The following SLC18A2 variants were observed in gnomAD, a reference collection of about 807,000 sequenced individuals.
The protein encoded by SLC18A2 is solute carrier family 18 member A2.
SLC18A2 carries 33 observed loss-of-function variants against 59.2 expected under a neutral mutation model. That is an observed-to-expected ratio of 0.56 (90% confidence interval 0.42 to 0.75). The LOEUF (loss-of-function observed/expected upper bound fraction) is 0.75. SLC18A2 is among the 30% of genes least tolerant of loss of function. SLC18A2 has a pLI of 0.00. For missense variants in SLC18A2, 569 were observed against 668.6 expected (o/e 0.85, Z 1.64); for synonymous variants, 228 against 253.5 (o/e 0.90, Z 0.95).
chr10:117,276,388 G>A (rs1430252506), intron 15 of SLC18A2, among the ~76,000 whole-genome samples: 1 of 151,912 alleles, frequency 6.6e-6, no homozygotes. Flanking sequence ...GAGGAGGGGG[G>A]ATCACTTGAA....
intron 3 of SLC18A2, among the ~76,000 whole-genome samples, chr10:117,252,223 A>G (rs1363798487): frequency 7.5e-6 from 1 of 132,782 alleles, no homozygotes; most frequent in Admixed American, 9.4e-5. Flanking sequence ...AGCTCAGGTG[A>G]TCCGCCCACC....
rs775601851 is a variant in SLC18A2 at position 117,255,560 on chromosome 10, A to G, written c.835-37A>G. ...GAATGAGGGCCCTGGGGGAGGGGGCATGGTGCTGCTTCTGACCCGTGTTTT... is the reference window on the plus strand; with the variant it reads ...GAATGAGGGCCCTGGGGGAGGGGGCGTGGTGCTGCTTCTGACCCGTGTTTT... On this transcript the variant is annotated intron_variant, in intron 8 of 15. Transcript: ENST00000644641. 12 of 1,614,096 alleles carry G rather than the reference A, an allele frequency of 7.4e-6. No homozygotes were observed. In the East Asian group the frequency reaches 2.0e-4, roughly 27 times the overall value.
chr10:117,272,885 A>G (rs1458638649), intron 15 of SLC18A2, among the ~76,000 whole-genome samples: 1 of 152,150 alleles, frequency 6.6e-6, no homozygotes, highest in Non-Finnish European at 1.5e-5. Flanking sequence ...CCTAATGATA[A>G]GGGGGCATGC....
intron 10 of SLC18A2, among the ~76,000 whole-genome samples, chr10:117,263,704 C>A (rs538587216): frequency 5.9e-5 from 9 of 152,266 alleles, no homozygotes; most frequent in Non-Finnish European, 1.0e-4. Flanking sequence ...TAGGGACTTA[C>A]AGTTTGGGGT....
intron 12 of SLC18A2, 58 bp from the exon 13 acceptor site, chr10:117,267,615 A>C: frequency 7.6e-7 from 1 of 1,319,146 alleles, no homozygotes; most frequent in Admixed American, 1.7e-5. Context: ...AGACTTTCCG[A>C]GATGATTTAG....
chr10:117,241,771 G>A lies in SLC18A2; in HGVS notation c.78G>A (p.Val26=). The A allele has an allele frequency of 6.2e-7, 1 of 1,611,350 alleles. No individual in the cohort carries two copies. The highest frequency in any genetic ancestry group is 8.5e-7 in the Non-Finnish European group (1 of 1,179,180). Residue 26 remains valine, a synonymous_variant, in exon 2 of 16, where the codon GTG becomes GTA. Transcript: ENST00000644641. ...CGCGGAAGCTCATCCTGTTCATCGT[G>A]TTCCTGGCGCTGCTGCTGGACAACA... The part of the protein sequence containing the change: ...RRSRKLILFI[V]FLALLLDNML...
intron 3 of SLC18A2, among the ~76,000 whole-genome samples, chr10:117,252,382 A>G (rs1423851768): frequency 7.2e-5 from 11 of 151,890 alleles, no homozygotes; most frequent in Non-Finnish European, 1.5e-4. Flanking sequence ...GATTCATTTC[A>G]TTCCTCTCCA....
At chr10:117,250,971 T>G (rs1417067586) in intron 3 of SLC18A2, among the ~76,000 whole-genome samples, 1 of 152,168 alleles carries the variant, frequency 6.6e-6, no homozygotes, top group East Asian at 1.9e-4. Flanking sequence ...TTATTGAGTT[T>G]TGTCCTGAAA....
chr10:117,274,099 C>G (rs1373386098), intron 15 of SLC18A2, among the ~76,000 whole-genome samples: 2 of 152,198 alleles, frequency 1.3e-5, no homozygotes, highest in Middle Eastern at 3.2e-3. Context: ...TGATGCTGTT[C>G]ATGCCTTTCT....
Position 117,244,117 on chromosome 10 carries a change from G to A in SLC18A2, c.268G>A (p.Gly90Arg), listed in dbSNP as rs767632694. Residue 90 changes from glycine (G) to arginine (R), a missense_variant, in exon 3 of 16, where the codon GGG becomes AGG. Gly to Arg is a moderately radical substitution (Grantham distance 125). Transcript: ENST00000644641. ...TTATGATAACTCGACTATGGTCACC[G>A]GGAATGCTACCAGAGACCTGACACT... ...SYYDNSTMVT[G>R]NATRDLTLHQ... 3.7e-6 allele frequency: 6 copies of A among 1,614,084 alleles called. No homozygotes were observed. In the Admixed American group the frequency reaches 5.0e-5, roughly 13 times the overall value.
chr10:117,267,559 T>C, intron 12 of SLC18A2, 114 bp from the exon 13 acceptor site: 1 of 703,780 alleles, frequency 1.4e-6, no homozygotes, highest in Non-Finnish European at 2.3e-6. Flanking sequence ...TCCTGTTTTC[T>C]TCAGAAGGGA....
chr10:117,270,559 A>G lies in SLC18A2; in HGVS notation c.1440+96A>G, dbSNP rs988261207. ...TGGTTTCATTCTAAAGCCTTCAAAC[A>G]TAAATGGTGAGAATTCCTTTTTAGT... On this transcript the variant is annotated intron_variant, in intron 15 of 15. Transcript: ENST00000644641. The G allele has an allele frequency of 5.0e-6, 7 of 1,399,406 alleles. No homozygotes were observed. In the African/African-American group the frequency reaches 7.2e-5, roughly 14 times the overall value. 86.7% of individuals were successfully genotyped at this position (1,399,406 alleles called of 1,614,324 possible). A position where few individuals can be genotyped will look rare whatever the true frequency, so the allele number is the denominator to read the frequency against.
chr10:117,275,830 T>G (rs1844482823), intron 15 of SLC18A2, among the ~76,000 whole-genome samples: 1 of 152,206 alleles, frequency 6.6e-6, no homozygotes, highest in Non-Finnish European at 1.5e-5. Flanking sequence ...AAGGAGGGCA[T>G]GAGAGTTTCA....
In SLC18A2 at chr10:117,244,445, A is replaced by G. The variant is rs143621146; in HGVS notation, c.464+132A>G. On this transcript the variant is annotated intron_variant, in intron 3 of 15. Transcript: ENST00000644641. ...ATGGTGGGTGAGCTGGGGAAAACCCAGTCCCCTTCCCCTATGTCTCTGTTC... is the reference window on the plus strand; with the variant it reads ...ATGGTGGGTGAGCTGGGGAAAACCCGGTCCCCTTCCCCTATGTCTCTGTTC... The G allele has an allele frequency of 4.7e-4, 356 of 764,024 alleles. 1 individual carries two copies. In the African/African-American group the frequency reaches 5.5e-3, roughly 12 times the overall value. 47.3% of individuals were successfully genotyped at this position (764,024 alleles called of 1,614,324 possible). A position where few individuals can be genotyped will look rare whatever the true frequency, so the allele number is the denominator to read the frequency against.
At chr10:117,243,909 G>T in intron 2 of SLC18A2, 62 bp from the exon 3 acceptor site, 8 of 1,387,646 alleles carry the variant, frequency 5.8e-6, no homozygotes, top group Admixed American at 4.5e-5. Context: ...TTTTTTGCTG[G>T]CTTTTTTCCT....
intron 2 of SLC18A2, among the ~76,000 whole-genome samples, chr10:117,242,623 C>T (rs775479123): frequency 6.6e-6 from 1 of 152,154 alleles, no homozygotes; most frequent in South Asian, 2.1e-4. Flanking sequence ...TCAGTACCAA[C>T]GGCATTAGTT....
chr10:117,267,919 T>C, intron 13 of SLC18A2, 183 bp downstream of exon 13: 2 of 474,720 alleles, frequency 4.2e-6, no homozygotes, highest in East Asian at 2.9e-5. Context: ...TTCTATGCAC[T>C]AGTCATTTAT....
rs1565007938 is a variant in SLC18A2 at position 117,266,829 on chromosome 10, CA to C, written c.1070+20del. 1 of 1,601,192 alleles carries C rather than the reference CA, an allele frequency of 6.2e-7. No homozygotes were observed. Among genetic ancestry groups the C allele is most frequent in the South Asian group, 1.1e-5 (1 of 90,606 alleles). On this transcript the variant is annotated intron_variant, in intron 11 of 15. Coordinates refer to ENST00000644641, the MANE Select transcript of SLC18A2 (RefSeq NM_003054.6). ...ATGGGGAGGTAAGATGATATGAAAA[CA>C]ACACTCATTCTGTTACAATAATGTA...
chr10:117,255,242 C>T, intron 6 of SLC18A2, 35 bp from the exon 7 acceptor site: 2 of 1,577,230 alleles, frequency 1.3e-6, no homozygotes, highest in Non-Finnish European at 1.7e-6. Flanking sequence ...GGGCATGTGT[C>T]CCAGGGGTGG....
Sources: allele counts gnomAD v4.1 joint callset (sites outside exome capture counted in the v4.1 genomes callset), GRCh38; gene constraint gnomAD v4.1.1; transcripts MANE v1.5; gene names NCBI Gene and HGNC (gene_info 2026-07-23, HGNC 2026-07-21).